NHLRC2: variants seen among roughly 807,000 people sequenced by gnomAD.
NHLRC2 encodes the protein NHL repeat containing 2, also known as NHL repeat-containing protein 2.
Under a neutral mutation model 68.1 loss-of-function variants are expected in NHLRC2, and 33 were observed. The ratio of observed to expected loss-of-function variants is 0.48; its 90% CI spans 0.37 to 0.65. The LOEUF is 0.65. Ranked by LOEUF, NHLRC2 falls within the 30% of genes least tolerant of loss-of-function variation. The probability of loss-of-function intolerance (pLI) is 0.00; values close to 1 mark genes in which losing one functional copy is unlikely to be tolerated. For missense variants in NHLRC2, 761 were observed against 853.8 expected (o/e 0.89, Z 1.35); for synonymous variants, 311 against 309.6 (o/e 1.00, Z -0.05).
intron 10 of NHLRC2, 132 bp from the exon 11 acceptor site, chr10:113,908,148 C>G (rs1175339321): frequency 3.0e-6 from 2 of 663,130 alleles, no homozygotes. Context: ...GTCCTTCCCA[C>G]AGACCGCAAT....
intron 6 of NHLRC2, among the ~76,000 whole-genome samples, chr10:113,901,191 C>T (rs1201021327): frequency 6.6e-6 from 1 of 151,920 alleles, no homozygotes; most frequent in Non-Finnish European, 1.5e-5. Context: ...TCTTTAATTC[C>T]TTTTGCTGGT....
At chr10:113,866,138 G>T (rs1213729669) in intron 2 of NHLRC2, among the ~76,000 whole-genome samples, 1 of 152,320 alleles carries the variant, frequency 6.6e-6, no homozygotes, top group South Asian at 2.1e-4. Flanking sequence ...TTAAATGCAG[G>T]TTTGTAATAG....
chr10:113,879,861 T>G (rs2134711319), intron 4 of NHLRC2, among the ~76,000 whole-genome samples, 166 bp downstream of exon 4: 1 of 152,250 alleles, frequency 6.6e-6, no homozygotes, highest in Admixed American at 6.5e-5. Flanking sequence ...ATCCTGTTTC[T>G]ATTTGTGTCA....
chr10:113,881,219 T>A (rs1846033723), intron 4 of NHLRC2, among the ~76,000 whole-genome samples: 1 of 151,848 alleles, frequency 6.6e-6, no homozygotes, highest in Non-Finnish European at 1.5e-5. Flanking sequence ...CAGGGAGTAC[T>A]TGTCCTTCTT....
chr10:113,854,892 G>A lies in NHLRC2; in HGVS notation c.20G>A (p.Arg7Gln), dbSNP rs1284786080. The change falls in exon 1 of 11, where the codon CGG becomes CAG. Residue 7 changes from arginine to glutamine, a missense_variant. Coordinates refer to ENST00000369301, the MANE Select transcript of NHLRC2 (RefSeq NM_198514.4). MAAPGG[R>Q]GRSLSGLLPA... Reference sequence around the variant, plus strand: ...GGAAACATGGCGGCGCCCGGAGGCCGGGGCCGCAGCCTCTCCGGCCTGCTC... The same window carrying A: ...GGAAACATGGCGGCGCCCGGAGGCCAGGGCCGCAGCCTCTCCGGCCTGCTC... The A allele has an allele frequency of 6.5e-7, 1 of 1,547,118 alleles. No homozygotes were observed.
At chr10:113,906,824 T>C (rs945599130) in intron 10 of NHLRC2, among the ~76,000 whole-genome samples, 3 of 152,076 alleles carry the variant, frequency 2.0e-5, no homozygotes, top group African/African-American at 7.2e-5. Flanking sequence ...CCATCTCTAC[T>C]AAAAATACAA....
In NHLRC2 at chr10:113,904,212, C is replaced by T. The variant is rs140255003; in HGVS notation, c.1704+476C>T. On this transcript the variant is annotated intron_variant, in intron 9 of 10. Coordinates refer to ENST00000369301, the MANE Select transcript of NHLRC2 (RefSeq NM_198514.4). ...TTTAGAAGCCACTTTCTCAAGACAT[C>T]GAAAATAAGATTGTGGAAGAAACTT... 5.2e-3 allele frequency among the ~76,000 whole-genome samples: 773 copies of T among 149,902 alleles called. 13 individuals are homozygous for T. The highest frequency in any genetic ancestry group is 0.018 in the African/African-American group (737 of 40,858).
chr10:113,894,158 A>C (rs1166402104), intron 5 of NHLRC2, among the ~76,000 whole-genome samples: 1 of 152,176 alleles, frequency 6.6e-6, no homozygotes, highest in Non-Finnish European at 1.5e-5. Context: ...AGATGACTCC[A>C]AGGCTTATGA....
intron 5 of NHLRC2, 92 bp downstream of exon 5, chr10:113,884,472 C>A: frequency 9.7e-7 from 1 of 1,026,088 alleles, no homozygotes; most frequent in Non-Finnish European, 1.4e-6. Context: ...GATTCCATTA[C>A]TAGTTATTTT....
intron 6 of NHLRC2, among the ~76,000 whole-genome samples, chr10:113,899,127 C>T (rs1846206300): frequency 6.6e-6 from 1 of 152,104 alleles, no homozygotes; most frequent in Non-Finnish European, 1.5e-5. Flanking sequence ...GCCCCTTCCT[C>T]TTTCTCTCTC....
chr10:113,884,270 A>G lies in NHLRC2; in HGVS notation c.929A>G (p.Lys310Arg), dbSNP rs1846061296. 6.2e-7 allele frequency: 1 copy of G among 1,609,456 alleles called. No individual in the cohort carries two copies. Among genetic ancestry groups the G allele is most frequent in the Non-Finnish European group, 8.5e-7 (1 of 1,176,846 alleles). Residue 310 changes from lysine (K) to arginine (R), a missense_variant, in exon 5 of 11, where the codon AAG becomes AGG. Physicochemically the swap from Lys to Arg is conservative, Grantham distance 26. Transcript: ENST00000369301. Reference sequence around the variant, plus strand: ...CTATAGATTGACCTAGAAGCTGAGAAGGTGAGCACTGTAGCTGGTATTGGA... The same window carrying G: ...CTATAGATTGACCTAGAAGCTGAGAGGGTGAGCACTGTAGCTGGTATTGGA... The part of the protein sequence containing the change: ...LIRKIDLEAE[K>R]VSTVAGIGIQ...
chr10:113,855,031 A>C lies in NHLRC2; in HGVS notation c.159A>C (p.Ser53=). The change falls in exon 1 of 11, where the codon TCA becomes TCC. Residue 53 remains serine, a synonymous_variant. Transcript: ENST00000369301. ...TGGACGGCTGGGAGCAGGACTTGTC[A>C]GTACCCGAGTTTCCGGAAGGTGAGG... ...QKVDGWEQDL[S]VPEFPEGLEW... is the part of the protein sequence containing the mutation. 6.4e-7 allele frequency: 1 copy of C among 1,552,618 alleles called. No individual in the cohort carries two copies. Among genetic ancestry groups the C allele is most frequent in the Non-Finnish European group, 8.7e-7 (1 of 1,147,448 alleles).
At chr10:113,893,683 A>G (rs1454917810) in intron 5 of NHLRC2, among the ~76,000 whole-genome samples, 1 of 152,078 alleles carries the variant, frequency 6.6e-6, no homozygotes, top group Non-Finnish European at 1.5e-5. Context: ...AACTAAACCA[A>G]TGCCCATACT....
At chr10:113,901,949 A>G (rs1484711235) in intron 7 of NHLRC2, 52 bp downstream of exon 7, 5 of 1,225,746 alleles carry the variant, frequency 4.1e-6, no homozygotes, top group Non-Finnish European at 6.0e-6. Flanking sequence ...CAAGCTGTCA[A>G]TTTTGTGAAT....
In NHLRC2 at chr10:113,859,601, A is replaced by G. The variant is rs186082832; in HGVS notation, c.331+921A>G. On this transcript the variant is annotated intron_variant, in intron 2 of 10. Transcript: ENST00000369301. ...AGTCAAATGATTTATCAAGAACTCA[A>G]ATATTTCTACTAGCTAAATCCTGTT... 7.0e-4 allele frequency among the ~76,000 whole-genome samples: 107 copies of G among 152,354 alleles called. 1 individual carries two copies. Among genetic ancestry groups the G allele is most frequent in the Admixed American group, 5.9e-3 (91 of 15,310 alleles).
intron 1 of NHLRC2, among the ~76,000 whole-genome samples, chr10:113,855,846 G>T (rs988345820): frequency 2.0e-5 from 3 of 152,112 alleles, no homozygotes; most frequent in South Asian, 2.1e-4. Flanking sequence ...AACACTTGAG[G>T]AGATATTACC....
chr10:113,868,048 G>A (rs1201332096), intron 2 of NHLRC2, among the ~76,000 whole-genome samples: 1 of 152,056 alleles, frequency 6.6e-6, no homozygotes, highest in Admixed American at 6.5e-5. Flanking sequence ...GATTTCACTG[G>A]TGCGATCACA....
At chr10:113,889,854 A>G (rs761347324) in intron 5 of NHLRC2, among the ~76,000 whole-genome samples, 20 of 152,140 alleles carry the variant, frequency 1.3e-4, no homozygotes, top group Non-Finnish European at 2.5e-4. Context: ...CTGTGGTTCC[A>G]TGTATCAGTA....
At chr10:113,890,495 A>G (rs1204384031) in intron 5 of NHLRC2, among the ~76,000 whole-genome samples, 2 of 151,998 alleles carry the variant, frequency 1.3e-5, no homozygotes, top group Non-Finnish European at 2.9e-5. Flanking sequence ...GAGTTCTTGA[A>G]TCTGTGGTTT....
Sources: gnomAD v4.1 joint callset for allele counts (sites outside exome capture counted in the v4.1 genomes callset) on GRCh38, gnomAD v4.1.1 for gene constraint, MANE v1.5 for transcripts, NCBI Gene and HGNC (gene_info 2026-07-23, HGNC 2026-07-21) for gene names.